The following FBN2 variants were observed in gnomAD, a reference collection of about 807,000 sequenced individuals.
FBN2 encodes fibrillin 2.
FBN2 carries 105 observed loss-of-function variants against 355.6 expected under a neutral mutation model. The observed-to-expected ratio is 0.30, with a 90% CI of 0.25 to 0.35. The LOEUF is 0.35. Ranked by LOEUF, FBN2 falls within the 10% of genes least tolerant of loss-of-function variation. FBN2 has a pLI of 1.00. For synonymous variants in FBN2, 1,350 were observed against 1,301.2 expected (o/e 1.04, Z -0.81); for missense variants, 3,280 against 3,758.7 (o/e 0.87, Z 3.33).
chr5:128,306,293 A>G (rs1322332075), intron 42 of FBN2, among the ~76,000 whole-genome samples: 1 of 152,126 alleles, frequency 6.6e-6, no homozygotes, highest in East Asian at 1.9e-4. Context: ...TATGTATTTT[A>G]TTTTATCATA....
intron 5 of FBN2, among the ~76,000 whole-genome samples, chr5:128,499,797 T>C (rs1184756558): frequency 1.3e-5 from 2 of 152,158 alleles, no homozygotes; most frequent in East Asian, 3.8e-4. Flanking sequence ...CTTAATTCTT[T>C]TTTTTTTTAA....
chr5:128,295,784 A>T (rs1749489889), intron 48 of FBN2, among the ~76,000 whole-genome samples: 1 of 136,662 alleles, frequency 7.3e-6, no homozygotes, highest in African/African-American at 3.0e-5. Context: ...GTCTGCAAAC[A>T]GGGACAATTT....
chr5:128,469,620 G>A (rs1452677651), intron 5 of FBN2, among the ~76,000 whole-genome samples: 1 of 151,894 alleles, frequency 6.6e-6, no homozygotes, highest in Non-Finnish European at 1.5e-5. Flanking sequence ...AAGAGTAGAT[G>A]CTAGGAAATC....
chr5:128,300,867 A>T lies in FBN2; in HGVS notation c.6116T>A (p.Phe2039Tyr). The change falls in exon 48 of 65, where the codon TTC (phenylalanine) becomes TAC (tyrosine). Residue 2039 changes from phenylalanine (F) to tyrosine (Y), a missense_variant. Physicochemically the swap from Phe to Tyr is conservative, Grantham distance 22. Transcript: ENST00000262464. ...PGTCQNLEGS[F>Y]RCICPPGYEV... ...ATACCCTGGGGGACAGATGCATCTG[A>T]AGGATCCCTCCAAATTCTGACAGGT... The T allele has an allele frequency of 6.2e-7, 1 of 1,614,006 alleles. No homozygotes were observed.
intron 18 of FBN2, among the ~76,000 whole-genome samples, chr5:128,362,838 T>C (rs1751673867): frequency 6.6e-6 from 1 of 152,158 alleles, no homozygotes; most frequent in Admixed American, 6.5e-5. Flanking sequence ...CCCTGTAGTT[T>C]AGAGTGAAGA....
Position 128,519,341 on chromosome 5 carries a change from C to T in FBN2, c.560G>A (p.Gly187Asp). 6.2e-7 allele frequency: 1 copy of T among 1,613,934 alleles called. No homozygotes were observed. Among genetic ancestry groups the T allele is most frequent in the Non-Finnish European group, 8.5e-7 (1 of 1,179,942 alleles). Residue 187 changes from glycine (G) to aspartate (D), a missense_variant, in exon 5 of 65, where the codon GGT becomes GAT. Physicochemically the swap from Gly to Asp is moderately conservative, Grantham distance 94. Around this residue, in one of 6 missense-constraint regions of FBN2, gnomAD observed 130 missense variants for 189.9 expected, o/e 0.68. Transcript: ENST00000262464. ...QPVCENGCQN[G>D]GRCIGPNRCA... Reference sequence around the variant, plus strand: ...GCGGTTGGGTCCGATGCAACGTCCACCATTCTGACATCCATTTTCACAGAC... The same window carrying T: ...GCGGTTGGGTCCGATGCAACGTCCATCATTCTGACATCCATTTTCACAGAC...
intron 7 of FBN2, among the ~76,000 whole-genome samples, chr5:128,432,176 A>G (rs540077643): frequency 6.6e-6 from 1 of 152,328 alleles, no homozygotes; most frequent in South Asian, 2.1e-4. Context: ...CTTTGGGATA[A>G]TCAATAATAT....
chr5:128,394,152 C>G (rs1207422143), intron 9 of FBN2, among the ~76,000 whole-genome samples: 1 of 152,114 alleles, frequency 6.6e-6, no homozygotes. Flanking sequence ...TTTCTGTTAA[C>G]AGTACATATT....
intron 6 of FBN2, among the ~76,000 whole-genome samples, chr5:128,450,327 T>A (rs1754203731): frequency 6.6e-6 from 1 of 151,898 alleles, no homozygotes; most frequent in Admixed American, 6.6e-5. Context: ...GTTAAAATAA[T>A]CCAAAATATG....
Position 128,441,224 on chromosome 5 carries a change from G to C in FBN2, c.952+5257C>G, listed in dbSNP as rs370359620. On this transcript the variant is annotated intron_variant, in intron 7 of 64. Coordinates refer to ENST00000262464, the MANE Select transcript of FBN2 (RefSeq NM_001999.4). ...TTAAACTGGATCTACTTCCAGCCTT[G>C]GTAGATTCTGGCCAGGGTACTACCA... Among the ~76,000 whole-genome samples, 9 of 152,214 alleles carry C rather than the reference G, an allele frequency of 5.9e-5. No homozygotes were observed. In the South Asian group the frequency reaches 1.9e-3, roughly 32 times the overall value.
intron 7 of FBN2, among the ~76,000 whole-genome samples, chr5:128,445,580 A>T (rs79173750): frequency 6.6e-6 from 1 of 152,200 alleles, no homozygotes; most frequent in Non-Finnish European, 1.5e-5. Flanking sequence ...TTTTGGAAAG[A>T]GAAAGAGCAA....
rs781335840 is a variant in FBN2, at chr5:128,330,670, G to T, written c.4248C>A (p.Thr1416=). 6.2e-7 allele frequency: 1 copy of T among 1,613,882 alleles called. No homozygotes were observed. Among genetic ancestry groups the T allele is most frequent in the Non-Finnish European group, 8.5e-7 (1 of 1,179,810 alleles). The change falls in exon 33 of 65, where the codon ACC becomes ACA. Residue 1416 remains threonine, a synonymous_variant. Coordinates refer to ENST00000262464, the MANE Select transcript of FBN2 (RefSeq NM_001999.4). ...ACTGAGCATTGATGCTACACTGGTG[G>T]GTTCCATTAGAACATTCGTCCAGAT... ...CIDLDECSNG[T]HQCSINAQCV...
Position 128,537,411 on chromosome 5 carries a change from C to G in FBN2, c.193G>C (p.Glu65Gln), listed in dbSNP as rs1561504900. ...EGGFLAPEYR[E>Q]EGAAVASRVR... The stretch of plus-strand genomic sequence containing the variant: ...CGGCTGGCCACTGCGGCACCCTCCT[C>G]GCGATACTCGGGCGCTAGAAACCCG... Residue 65 changes from glutamate to glutamine, a missense_variant, in exon 1 of 65, where the codon GAG becomes CAG. Physicochemically the swap from Glu to Gln is conservative, Grantham distance 29. Around this residue, in one of 6 missense-constraint regions of FBN2, gnomAD observed 203 missense variants for 142.2 expected, o/e 1.43. Transcript: ENST00000262464. 2 of 1,610,134 alleles carry G rather than the reference C, an allele frequency of 1.2e-6. No homozygotes were observed. The highest frequency in any genetic ancestry group is 2.2e-5 in the South Asian group (2 of 90,482).
chr5:128,450,001 A>G (rs1300442871), intron 6 of FBN2, among the ~76,000 whole-genome samples: 1 of 152,144 alleles, frequency 6.6e-6, no homozygotes, highest in African/African-American at 2.4e-5. Flanking sequence ...CTAACTGTGC[A>G]TGCATGATTA....
chr5:128,378,723 C>T, intron 12 of FBN2, 48 bp downstream of exon 12: 11 of 1,607,740 alleles, frequency 6.8e-6, no homozygotes, highest in Non-Finnish European at 9.4e-6. Flanking sequence ...CAGCCTTGGT[C>T]ACTATATTTC....
intron 16 of FBN2, among the ~76,000 whole-genome samples, chr5:128,368,094 A>G (rs560130039): frequency 1.1e-4 from 17 of 152,078 alleles, no homozygotes; most frequent in Non-Finnish European, 2.1e-4. Context: ...CTGGGCTACA[A>G]ATTGCTCCTT....
In FBN2 at chr5:128,352,663, C is replaced by T. The variant is rs917830293; in HGVS notation, c.2675-1658G>A. Among the ~76,000 whole-genome samples, 7 of 152,080 alleles carry T rather than the reference C, an allele frequency of 4.6e-5. No homozygotes were observed. In the East Asian group the frequency reaches 5.8e-4, roughly 13 times the overall value. ...TTAAGTGTGCATAATATTACCAAGA[C>T]ACTTGTTAAAATGCCGATTCATAAG... On this transcript the variant is annotated intron_variant, in intron 20 of 64. Transcript: ENST00000262464.
rs193239083 is a variant in FBN2 at position 128,322,069 on chromosome 5, G to T, written c.4472-3068C>A. ...TGAGGATGTGCTTTTTTTCACGTTT[G>T]TTGGCCTCATAAATGTTTTCTTTTG... On this transcript the variant is annotated intron_variant, in intron 34 of 64. Transcript: ENST00000262464. Among the ~76,000 whole-genome samples, 61 of 152,138 alleles carry T rather than the reference G, an allele frequency of 4.0e-4. No individual in the cohort carries two copies. The Middle Eastern group carries it at 0.017, about 42-fold the overall frequency.
intron 48 of FBN2, among the ~76,000 whole-genome samples, chr5:128,297,143 C>T (rs553262760): frequency 3.9e-5 from 6 of 151,924 alleles, no homozygotes; most frequent in South Asian, 2.1e-4. Context: ...TGTAGTTGAG[C>T]GGTTTTGAGT....
Sources: gnomAD v4.1 joint callset for allele counts (sites outside exome capture counted in the v4.1 genomes callset) on GRCh38, gnomAD v4.1.1 for gene constraint, gnomAD v4.1.1 regional missense constraint, MANE v1.5 for transcripts, NCBI Gene and HGNC (gene_info 2026-07-23, HGNC 2026-07-21) for gene names.